The following CHD8 variants were observed in gnomAD, a reference collection of about 807,000 sequenced individuals.
CHD8 encodes the protein ATP-dependent chromatin remodeler CHD8.
In CHD8, 31 loss-of-function variants were observed where a neutral mutation model predicts 279.2. The observed-to-expected ratio is 0.11, with a 90% confidence interval of 0.08 to 0.15. CHD8 has a LOEUF of 0.15. Among genes scored for constraint, CHD8 ranks in the 10% least tolerant of loss-of-function variants. The pLI is 1.00. For missense variants in CHD8, 2,146 were observed against 3,230.5 expected, an observed-to-expected ratio of 0.66 and a Z score of 8.14; for synonymous variants, 1,081 against 1,139.6, an observed-to-expected ratio of 0.95 and a Z score of 1.04.
chr14:21,408,851 T>C lies in CHD8; in HGVS notation c.2365-26A>G, dbSNP rs763226624. ...CTAAAAAACAAGACGTTTGAATAAA[T>C]GGAGTGGAGACATTATCAAAAGGTA... is the stretch of plus-strand genomic sequence containing the variant. On this transcript the variant is annotated intron_variant, in intron 11 of 37. Coordinates refer to ENST00000646647, the MANE Select transcript of CHD8 (RefSeq NM_001170629.2). The surrounding 1 kb of genome is among the most constrained non-coding windows in gnomAD (Gnocchi z 4.3). 2 of 1,593,356 alleles carry C rather than the reference T, an allele frequency of 1.3e-6. No individual in the cohort carries two copies. The highest frequency in any genetic ancestry group is 1.1e-5 in the South Asian group (1 of 87,712).
chr14:21,446,840 T>C (rs1283976818), intron 1 of CHD8, among the ~76,000 whole-genome samples: 2 of 152,240 alleles, frequency 1.3e-5, no homozygotes, highest in Non-Finnish European at 2.9e-5. Context: ...CTTCCAGTAC[T>C]TCTCCTTTGT....
intron 37 of CHD8, among the ~76,000 whole-genome samples, chr14:21,387,571 T>G (rs1454268209): frequency 6.8e-6 from 1 of 147,434 alleles, no homozygotes; most frequent in Non-Finnish European, 1.5e-5. Context: ...GAGGCGGAGA[T>G]CGCGGTGAGC....
intron 1 of CHD8, among the ~76,000 whole-genome samples, chr14:21,446,032 A>C (rs963013119): frequency 4.0e-5 from 6 of 151,768 alleles, no homozygotes; most frequent in Non-Finnish European, 7.4e-5. Flanking sequence ...TCTCTACTAA[A>C]ACTGCAAAAA....
At chr14:21,447,021 C>T (rs1890139251) in intron 1 of CHD8, among the ~76,000 whole-genome samples, 1 of 152,196 alleles carries the variant, frequency 6.6e-6, no homozygotes, top group South Asian at 2.1e-4. Flanking sequence ...AAGGAATGCA[C>T]TGAATTTCCA....
intron 37 of CHD8, among the ~76,000 whole-genome samples, chr14:21,387,828 AAG>A (rs1887336330): frequency 1.3e-5 from 2 of 150,196 alleles, no homozygotes; most frequent in Non-Finnish European, 3.0e-5. Context: ...AAAAAAAAAA[AAG>A]AATTCTGTAC....
chr14:21,424,888 A>T (rs890102169), intron 5 of CHD8, among the ~76,000 whole-genome samples: 1 of 152,228 alleles, frequency 6.6e-6, no homozygotes, highest in Non-Finnish European at 1.5e-5. Context: ...GAAACACTTA[A>T]GGTTCATTTA....
At chr14:21,452,066 G>A (rs949208235) in intron 1 of CHD8, among the ~76,000 whole-genome samples, 17 of 152,144 alleles carry the variant, frequency 1.1e-4, no homozygotes, top group Non-Finnish European at 1.5e-5. Flanking sequence ...TTTTGAGACA[G>A]AGTCTCGCTC....
chr14:21,439,978 C>T (rs1030217999), intron 1 of CHD8, among the ~76,000 whole-genome samples: 4 of 152,072 alleles, frequency 2.6e-5, no homozygotes, highest in African/African-American at 9.7e-5. Flanking sequence ...TGTAACATGC[C>T]AAGTAATCTG....
At chr14:21,438,272 G>T in intron 1 of CHD8, among the ~76,000 whole-genome samples, 1 of 151,984 alleles carries the variant, frequency 6.6e-6, no homozygotes, top group African/African-American at 2.4e-5. Context: ...TGTTGGCTAG[G>T]CTGGTCTCGA....
In CHD8 at chr14:21,424,215, C is replaced by A. The variant is rs149039037; in HGVS notation, c.1716+1913G>T. On this transcript the variant is annotated intron_variant, in intron 5 of 37. Transcript: ENST00000646647. ...TTTATTTTTAAGATGGCAAAAAAAT[C>A]CAGCTTTTCCTAAATGGTTAGCCAG... Among the ~76,000 whole-genome samples the A allele has an allele frequency of 2.2e-4, 34 of 152,272 alleles. No homozygotes were observed. The Middle Eastern group carries it at 0.01, about 46-fold the overall frequency.
rs1411264223 is a variant in CHD8, at chr14:21,385,316, CAT to C, written c.*295_*296del. 7.3e-6 allele frequency: 3 copies of C among 412,956 alleles called. No individual in the cohort carries two copies. Among genetic ancestry groups the C allele is most frequent in the Non-Finnish European group, 1.3e-5 (3 of 232,006 alleles). The allele number at this position is 412,956 out of a possible 1,614,324, so 25.6% of individuals were successfully genotyped here. Reference sequence around the variant, plus strand: ...CTGCCAGAGGCTAGGGCCAGCGCTACATAGTCTGTGGTTAATGGAGGTGACTA... The same window carrying C: ...CTGCCAGAGGCTAGGGCCAGCGCTACAGTCTGTGGTTAATGGAGGTGACTA... On this transcript the variant is annotated 3_prime_UTR_variant, in exon 38 of 38. Transcript: ENST00000646647.
rs746023449 is a variant in CHD8, at chr14:21,392,292, CTT to C, written c.6771+213_6771+214del. The C allele has an allele frequency of 3.9e-6, 3 of 765,524 alleles. No homozygotes were observed. In the East Asian group the frequency reaches 7.4e-5, roughly 19 times the overall value. 47.4% of individuals were successfully genotyped at this position (765,524 alleles called of 1,614,324 possible). A position where few individuals can be genotyped will look rare whatever the true frequency, so the allele number is the denominator to read the frequency against. Reference sequence around the variant, plus strand: ...TTCCTAAGCATACTAATTTAAGAAACTTTTGTTGAATATTAATAGGATTAATA... The same window carrying C: ...TTCCTAAGCATACTAATTTAAGAAACTTGTTGAATATTAATAGGATTAATA... On this transcript the variant is annotated intron_variant, in intron 34 of 37. Coordinates refer to ENST00000646647, the MANE Select transcript of CHD8 (RefSeq NM_001170629.2).
At chr14:21,445,688 C>CAAAAA (rs747923350) in intron 1 of CHD8, among the ~76,000 whole-genome samples, 2 of 17,264 alleles carry the variant, frequency 1.2e-4, no homozygotes, top group Admixed American at 1.6e-3. Flanking sequence ...GATTCGGTCT[C>CAAAAA]AAAAAAAAAA....
Position 21,389,963 on chromosome 14 carries a change from G to A in CHD8, c.7182+984C>T, listed in dbSNP as rs143381984. Among the ~76,000 whole-genome samples the A allele has an allele frequency of 2.4e-3, 365 of 152,194 alleles. 3 individuals carry two copies. The highest frequency in any genetic ancestry group is 8.5e-3 in the African/African-American group (351 of 41,524). ...AATTAGAAAACTTAAGGCCGAGTGC[G>A]GTGGCTGAAGCCTGTAATCCCAGTA... On this transcript the variant is annotated intron_variant, in intron 37 of 37. Coordinates refer to ENST00000646647, the MANE Select transcript of CHD8 (RefSeq NM_001170629.2).
chr14:21,432,519 G>C (rs998038064), intron 1 of CHD8, among the ~76,000 whole-genome samples: 1 of 152,146 alleles, frequency 6.6e-6, no homozygotes, highest in African/African-American at 2.4e-5. Flanking sequence ...ATTCAACATT[G>C]TTTCCAATTT....
chr14:21,413,239 C>A (rs576538871), intron 9 of CHD8, among the ~76,000 whole-genome samples: 1 of 152,304 alleles, frequency 6.6e-6, no homozygotes, highest in East Asian at 1.9e-4. Flanking sequence ...TCCATATATG[C>A]TCTGCTGTTC....
At chr14:21,417,554 T>G (rs1888779678) in intron 5 of CHD8, among the ~76,000 whole-genome samples, 1 of 151,906 alleles carries the variant, frequency 6.6e-6, no homozygotes, top group Non-Finnish European at 1.5e-5. Flanking sequence ...TGTCTCTATT[T>G]TATACAAAAT....
In CHD8 at chr14:21,400,817, T is replaced by A; in HGVS notation, c.4370+58A>T. ...CCCAATTTGAAAGGCAAACCAAGAG[T>A]ATCTATCAGGATGGAGATGCACTAT... is the stretch of plus-strand genomic sequence containing the variant. On this transcript the variant is annotated intron_variant, in intron 22 of 37. Transcript: ENST00000646647. This position sits in a 1 kb window ranked among gnomAD's most constrained non-coding sequence, Gnocchi z 4.2. The A allele has an allele frequency of 2.0e-6, 3 of 1,480,296 alleles. No homozygotes were observed. The highest frequency in any genetic ancestry group is 2.7e-6 in the Non-Finnish European group (3 of 1,099,226). The allele number at this position is 1,480,296 out of a possible 1,614,324, so 91.7% of individuals were successfully genotyped here.
chr14:21,437,206 T>C (rs199747065), intron 1 of CHD8: 2 of 1,183,086 alleles, frequency 1.7e-6, no homozygotes, highest in East Asian at 1.2e-4. Context: ...GCAGTGGCTG[T>C]GGGGGGCCGG....
Sources: allele counts gnomAD v4.1 joint callset (sites outside exome capture counted in the v4.1 genomes callset), GRCh38; gene constraint gnomAD v4.1.1; non-coding constraint Gnocchi (gnomAD v3.1); transcripts MANE v1.5; gene names NCBI Gene and HGNC (gene_info 2026-07-23, HGNC 2026-07-21).